The following MCTP2 variants were observed in gnomAD, a reference collection of about 807,000 sequenced individuals.
MCTP2 encodes multiple C2 and transmembrane domain-containing protein 2.
In MCTP2, 132 loss-of-function variants were observed where a neutral mutation model predicts 111.6. That is an observed-to-expected ratio of 1.18 (90% CI 1.03 to 1.37). The LOEUF (loss-of-function observed/expected upper bound fraction) is 1.37, where lower values mean the gene tolerates loss of function less well. Among genes scored for constraint, MCTP2 ranks in the 40% most tolerant of loss-of-function variants. The probability of loss-of-function intolerance (pLI) is 0.00; values close to 1 mark genes in which losing one functional copy is unlikely to be tolerated. For missense variants in MCTP2, 1,183 were observed against 1,067.9 expected, an observed-to-expected ratio of 1.11 and a Z score of -1.50; for synonymous variants, 395 against 387.7, an observed-to-expected ratio of 1.02 and a Z score of -0.22.
intron 10 of MCTP2, among the ~76,000 whole-genome samples, chr15:94,364,882 G>A (rs939371052): frequency 1.3e-5 from 2 of 152,118 alleles, no homozygotes; most frequent in Admixed American, 6.6e-5. Context: ...AGTTGAAATA[G>A]GTTAAATATG....
intron 7 of MCTP2, among the ~76,000 whole-genome samples, chr15:94,344,654 T>A (rs963900348): frequency 6.6e-6 from 1 of 152,228 alleles, no homozygotes. Context: ...ATATTTTGTC[T>A]AGTGTTTTGA....
chr15:94,312,170 T>C (rs568530070), intron 2 of MCTP2, among the ~76,000 whole-genome samples: 1 of 152,344 alleles, frequency 6.6e-6, no homozygotes, highest in African/African-American at 2.4e-5. Context: ...TGGCTCTGCA[T>C]GTGAAGGCAT....
intron 1 of MCTP2, among the ~76,000 whole-genome samples, chr15:94,237,159 A>G (rs2070629583): frequency 6.6e-6 from 1 of 152,228 alleles, no homozygotes; most frequent in Non-Finnish European, 1.5e-5. Flanking sequence ...TCTGCACTCC[A>G]GGAAAGAGGT....
chr15:94,352,045 C>CT (rs2078334469), intron 8 of MCTP2, among the ~76,000 whole-genome samples: 1 of 152,210 alleles, frequency 6.6e-6, no homozygotes, highest in Non-Finnish European at 1.5e-5. Context: ...ATTCACATCA[C>CT]TATCTCCCCA....
chr15:94,417,922 T>C (rs147064262), intron 17 of MCTP2, among the ~76,000 whole-genome samples: 1 of 152,132 alleles, frequency 6.6e-6, no homozygotes, highest in South Asian at 2.1e-4. Context: ...GCAGGCTTAA[T>C]GTGAACTTAC....
chr15:94,476,705 A>C lies in MCTP2; in HGVS notation c.2480A>C (p.Lys827Thr). ...RYIILIWGIN[K>T]FTKKLRNPYS... ...TGTTTCTATTTTTCAGGCATAAATA[A>C]ATTTACTAAGAAGCTTCGAAATCCC... Residue 827 changes from lysine to threonine, a missense_variant, in exon 22 of 23, where the codon AAA (lysine) becomes ACA (threonine). Coordinates refer to ENST00000357742, the MANE Select transcript of MCTP2 (RefSeq NM_001385001.1). The C allele has an allele frequency of 6.3e-7, 1 of 1,577,304 alleles. No individual in the cohort carries two copies. The highest frequency in any genetic ancestry group is 8.7e-7 in the Non-Finnish European group (1 of 1,147,034).
Position 94,337,478 on chromosome 15 carries a change from A to G in MCTP2, c.638-1812A>G, listed in dbSNP as rs192932716. Among the ~76,000 whole-genome samples the G allele has an allele frequency of 4.7e-4, 69 of 146,422 alleles. 1 individual carries two copies. The highest frequency in any genetic ancestry group is 7.7e-4 in the Non-Finnish European group (52 of 67,150). ...TTCATTTAATTAAAGGCCTCTTTTT[A>G]TTATAGTTTTCCCCCACTTTTTTAT... On this transcript the variant is annotated intron_variant, in intron 4 of 22. Coordinates refer to ENST00000357742, the MANE Select transcript of MCTP2 (RefSeq NM_001385001.1).
chr15:94,386,087 C>G (rs1012434048), intron 14 of MCTP2, among the ~76,000 whole-genome samples: 32 of 151,778 alleles, frequency 2.1e-4, no homozygotes, highest in African/African-American at 7.5e-4. Context: ...CGCAGTCCAG[C>G]TATAAGATAA....
chr15:94,242,653 AT>A (rs1338090402), intron 1 of MCTP2, among the ~76,000 whole-genome samples: 1 of 151,896 alleles, frequency 6.6e-6, no homozygotes, highest in Non-Finnish European at 1.5e-5. Flanking sequence ...TGAGGCTGTT[AT>A]TTTTAGAGAT....
intron 20 of MCTP2, among the ~76,000 whole-genome samples, chr15:94,462,182 G>T (rs2085257265): frequency 6.6e-6 from 1 of 152,210 alleles, no homozygotes; most frequent in Non-Finnish European, 1.5e-5. Context: ...AGGACCCAGA[G>T]AATATACCTG....
chr15:94,270,735 G>A (rs1392540577), intron 1 of MCTP2, among the ~76,000 whole-genome samples: 1 of 152,084 alleles, frequency 6.6e-6, no homozygotes, highest in Non-Finnish European at 1.5e-5. Context: ...TCCACATTCT[G>A]CTTACCTCAT....
At chr15:94,444,333 G>A (rs949316655) in intron 19 of MCTP2, among the ~76,000 whole-genome samples, 5 of 152,166 alleles carry the variant, frequency 3.3e-5, no homozygotes, top group Non-Finnish European at 5.9e-5. Context: ...TCCAGAAACG[G>A]TATTTTTGTT....
chr15:94,300,361 T>C (rs1294218381), intron 2 of MCTP2, among the ~76,000 whole-genome samples: 1 of 151,796 alleles, frequency 6.6e-6, no homozygotes, highest in Non-Finnish European at 1.5e-5. Context: ...TACAAAAAAA[T>C]TAGCCGGGCG....
In MCTP2 at chr15:94,371,258, C is replaced by T. The variant is rs2079471037; in HGVS notation, c.1582+1078C>T. On this transcript the variant is annotated intron_variant, in intron 12 of 22. Transcript: ENST00000357742. ...CAAATAGAAGATACAATTTTTGAGG[C>T]TTGTAGGTGAAGTACTCAGATGATT... Among the ~76,000 whole-genome samples the T allele has an allele frequency of 3.9e-5, 6 of 151,980 alleles. No individual in the cohort carries two copies. The South Asian group carries it at 1.2e-3, about 32-fold the overall frequency.
chr15:94,308,812 A>G (rs1481572236), intron 2 of MCTP2, among the ~76,000 whole-genome samples: 2 of 152,248 alleles, frequency 1.3e-5, no homozygotes, highest in Admixed American at 6.5e-5. Flanking sequence ...CAACACAAGA[A>G]CAAGTAGACA....
chr15:94,467,052 C>T (rs2073399576), intron 20 of MCTP2, among the ~76,000 whole-genome samples: 1 of 151,950 alleles, frequency 6.6e-6, no homozygotes, highest in Non-Finnish European at 1.5e-5. Context: ...GACTATATGC[C>T]ATATATCTTT....
Position 94,440,244 on chromosome 15 carries a change from C to T in MCTP2, c.2154C>T (p.Val718=), listed in dbSNP as rs1214507242. Residue 718 remains valine (V), a synonymous_variant, in exon 18 of 23, where the codon GTC becomes GTT. Coordinates refer to ENST00000357742, the MANE Select transcript of MCTP2 (RefSeq NM_001385001.1). ...MIPLALLLIF[V]YNFIRPVKGK... is the part of the protein sequence containing the mutation. The stretch of plus-strand genomic sequence containing the variant: ...CCTTGGCATTGTTGCTGATCTTTGT[C>T]TACAATTTCATCAGACCTGTGAAAG... 6 of 1,613,886 alleles carry T rather than the reference C, an allele frequency of 3.7e-6. No homozygotes were observed. The highest frequency in any genetic ancestry group is 5.1e-6 in the Non-Finnish European group (6 of 1,179,946).
At chr15:94,395,525 T>A (rs925833392) in intron 14 of MCTP2, among the ~76,000 whole-genome samples, 2 of 152,198 alleles carry the variant, frequency 1.3e-5, no homozygotes, top group Non-Finnish European at 1.5e-5. Context: ...ATAATTTTTT[T>A]AAAAAGAGTT....
At chr15:94,275,703 TAAATC>T (rs2074152891) in intron 1 of MCTP2, among the ~76,000 whole-genome samples, 1 of 152,174 alleles carries the variant, frequency 6.6e-6, no homozygotes, top group East Asian at 1.9e-4. Flanking sequence ...TGTTAAATCT[TAAATC>T]AACTTAAATC....
Sources: allele counts gnomAD v4.1 joint callset (sites outside exome capture counted in the v4.1 genomes callset), GRCh38; gene constraint gnomAD v4.1.1; transcripts MANE v1.5; gene names NCBI Gene and HGNC (gene_info 2026-07-23, HGNC 2026-07-21).